The following OR2L13 variants were observed in gnomAD, a reference collection of about 807,000 sequenced individuals.
The protein encoded by OR2L13 is olfactory receptor 2L13.
A neutral mutation model predicts 15.3 loss-of-function variants in OR2L13; 14 were observed. The observed-to-expected ratio is 0.91, with a 90% CI of 0.60 to 1.43. OR2L13 has a LOEUF of 1.43. OR2L13 is among the 40% of genes most tolerant of loss of function. The probability of loss-of-function intolerance (pLI) is 0.00; values close to 1 mark genes in which losing one functional copy is unlikely to be tolerated. For missense variants in OR2L13, 367 were observed against 387.9 expected, an observed-to-expected ratio of 0.95 and a Z score of 0.45; for synonymous variants, 152 against 142.9, an observed-to-expected ratio of 1.06 and a Z score of -0.45.
chr1:248,030,811 G>T, the OR2L13 span, among the ~76,000 whole-genome samples: 1 of 152,128 alleles, frequency 6.6e-6, no homozygotes, highest in Non-Finnish European at 1.5e-5. Flanking sequence ...GAACAATCCT[G>T]ACATATTGCA....
chr1:248,001,906 T>A, the OR2L13 span, among the ~76,000 whole-genome samples: 152,261 of 152,266 alleles, frequency 1, 76,128 homozygotes, highest in Middle Eastern at 1. Context: ...ACAGTTTGTC[T>A]TAGACAGCCC....
At chr1:247,996,677 C>CT in the OR2L13 span, among the ~76,000 whole-genome samples, 9 of 151,872 alleles carry the variant, frequency 5.9e-5, no homozygotes, top group South Asian at 2.1e-4. Context: ...AAACATCTTT[C>CT]TTTTTTTTAC....
chr1:247,975,321 G>A, the OR2L13 span: 5 of 503,254 alleles, frequency 9.9e-6, no homozygotes, highest in Non-Finnish European at 1.9e-5. Flanking sequence ...CAGTGTTTTT[G>A]AGCACAACCC....
chr1:248,057,379 A>G, the OR2L13 span, among the ~76,000 whole-genome samples: 1 of 152,138 alleles, frequency 6.6e-6, no homozygotes, highest in African/African-American at 2.4e-5. Context: ...GAACTCTTTT[A>G]CATTATGTAA....
At chr1:248,055,153 A>G in the OR2L13 span, among the ~76,000 whole-genome samples, 1 of 152,084 alleles carries the variant, frequency 6.6e-6, no homozygotes, top group Admixed American at 6.6e-5. Flanking sequence ...CATGAAGGGA[A>G]GTCGAATTTT....
At chr1:248,075,984 C>T in the OR2L13 span, among the ~76,000 whole-genome samples, 5 of 152,096 alleles carry the variant, frequency 3.3e-5, no homozygotes, top group Non-Finnish European at 5.9e-5. Context: ...GGTTTTAGGT[C>T]TAACATTTAA....
the OR2L13 span, among the ~76,000 whole-genome samples, chr1:247,995,263 C>T: frequency 6.6e-6 from 1 of 152,210 alleles, no homozygotes; most frequent in East Asian, 1.9e-4. Flanking sequence ...TTCCCTTCCA[C>T]TCTCATAGAT....
the OR2L13 span, chr1:247,990,614 C>T: frequency 6.5e-7 from 1 of 1,547,470 alleles, no homozygotes; most frequent in Non-Finnish European, 8.9e-7. Context: ...CTCCTGACAT[C>T]AATGGCCTAT....
the OR2L13 span, among the ~76,000 whole-genome samples, chr1:248,078,295 A>G: frequency 1.3e-5 from 2 of 152,078 alleles, no homozygotes; most frequent in South Asian, 2.1e-4. Context: ...ATCCTCGGCA[A>G]TATGATGAAA....
the OR2L13 span, among the ~76,000 whole-genome samples, chr1:247,967,368 A>G: frequency 6.6e-6 from 1 of 152,006 alleles, no homozygotes; most frequent in Non-Finnish European, 1.5e-5. Flanking sequence ...AGTTGAGATT[A>G]CAGGCACCCG....
chr1:248,090,765 A>G (rs1664577830), upstream of OR2L13, among the ~76,000 whole-genome samples: 1 of 152,160 alleles, frequency 6.6e-6, no homozygotes, highest in African/African-American at 2.4e-5. Context: ...AGGTTACTTT[A>G]TTGTAGAACA....
the OR2L13 span, among the ~76,000 whole-genome samples, chr1:248,073,903 A>G: frequency 5.3e-5 from 8 of 151,998 alleles, no homozygotes; most frequent in African/African-American, 1.7e-4. Flanking sequence ...GTAAGATGGC[A>G]TCTTTTAACT....
chr1:248,071,398 C>A, the OR2L13 span, among the ~76,000 whole-genome samples: 1 of 152,122 alleles, frequency 6.6e-6, no homozygotes, highest in Non-Finnish European at 1.5e-5. Context: ...TCAATAGATG[C>A]AGAAAAGGCC....
At chr1:247,943,659 A>G in the OR2L13 span, among the ~76,000 whole-genome samples, 1 of 152,130 alleles carries the variant, frequency 6.6e-6, no homozygotes, top group African/African-American at 2.4e-5. Flanking sequence ...TTATGTTATG[A>G]TGAGTTTATC....
At chr1:248,067,100 A>T in the OR2L13 span, among the ~76,000 whole-genome samples, 6 of 152,230 alleles carry the variant, frequency 3.9e-5, no homozygotes, top group East Asian at 1.2e-3. Context: ...ATTTTATCAC[A>T]AGTTAGAGTT....
the OR2L13 span, chr1:247,948,959 C>T: frequency 6.2e-7 from 1 of 1,613,780 alleles, no homozygotes; most frequent in Admixed American, 1.7e-5. Context: ...TTTTCATTTT[C>T]CTGATGGCTC....
chr1:247,942,549 T>C, the OR2L13 span, among the ~76,000 whole-genome samples: 1 of 152,100 alleles, frequency 6.6e-6, no homozygotes, highest in African/African-American at 2.4e-5. Context: ...CCTAATGACA[T>C]TTATGAAAAT....
chr1:248,010,458 G>A, the OR2L13 span, among the ~76,000 whole-genome samples: 1 of 152,154 alleles, frequency 6.6e-6, no homozygotes, highest in Admixed American at 6.5e-5. Context: ...GTGCAGAGCT[G>A]AGCTCTAGTC....
the OR2L13 span, among the ~76,000 whole-genome samples, chr1:248,064,732 A>T: frequency 6.6e-6 from 1 of 152,194 alleles, no homozygotes; most frequent in African/African-American, 2.4e-5. Flanking sequence ...GAAAAACAAT[A>T]TGGATGCCTT....
Sources: allele counts gnomAD v4.1 joint callset (sites outside exome capture counted in the v4.1 genomes callset), GRCh38; gene constraint gnomAD v4.1.1; transcripts MANE v1.5; gene names NCBI Gene and HGNC (gene_info 2026-07-23, HGNC 2026-07-21).